The following XRN2 variants were observed in gnomAD, a reference collection of about 807,000 sequenced individuals.
XRN2 encodes 5'-3' exoribonuclease 2.
XRN2 carries 44 observed loss-of-function variants against 138.5 expected under a neutral mutation model. That is an observed-to-expected ratio of 0.32 (90% confidence interval 0.25 to 0.41). The LOEUF (loss-of-function observed/expected upper bound fraction) is 0.41, where lower values mean the gene tolerates loss of function less well. Among genes scored for constraint, XRN2 ranks in the 10% least tolerant of loss-of-function variants. XRN2 has a pLI of 1.00. For missense variants in XRN2, 937 were observed against 1,169.3 expected, an observed-to-expected ratio of 0.80 and a Z score of 2.90; for synonymous variants, 354 against 369.4, an observed-to-expected ratio of 0.96 and a Z score of 0.48.
chr20:21,316,293 T>A (rs1003056266), intron 1 of XRN2, among the ~76,000 whole-genome samples: 64 of 152,236 alleles, frequency 4.2e-4, no homozygotes, highest in African/African-American at 1.4e-3. Context: ...ATTTTGATGA[T>A]GAAGTGCAGT....
At chr20:21,321,932 A>G (rs1359401742) in intron 1 of XRN2, among the ~76,000 whole-genome samples, 1 of 152,226 alleles carries the variant, frequency 6.6e-6, no homozygotes, top group Non-Finnish European at 1.5e-5. Flanking sequence ...AGTACCTGAT[A>G]TAGACCTTGG....
At chr20:21,350,474 C>T (rs535359131) in intron 20 of XRN2, among the ~76,000 whole-genome samples, 7 of 118,240 alleles carry the variant, frequency 5.9e-5, no homozygotes, top group Admixed American at 1.3e-4. Context: ...TGCAGTGAGT[C>T]GAGATAGCAC....
intron 1 of XRN2, among the ~76,000 whole-genome samples, chr20:21,304,944 C>G (rs2037794823): frequency 6.6e-6 from 1 of 152,276 alleles, no homozygotes; most frequent in South Asian, 2.1e-4. Flanking sequence ...GGATAGTTGA[C>G]TATTGACACT....
At chr20:21,321,508 T>C (rs2038045137) in intron 1 of XRN2, among the ~76,000 whole-genome samples, 1 of 151,930 alleles carries the variant, frequency 6.6e-6, no homozygotes, top group African/African-American at 2.4e-5. Context: ...TTGATGGGGC[T>C]CCAGGACTCT....
chr20:21,381,995 T>C lies in XRN2; in HGVS notation c.2586T>C (p.Asn862=), dbSNP rs1474882107. The change falls in exon 28 of 30, where the codon AAT becomes AAC. Residue 862 remains asparagine, a splice_region_variant and synonymous_variant. Transcript: ENST00000377191. ...GQAQIPKLMS[N]MRPQDSWRGP... is the part of the protein sequence containing the mutation. ...AACCCTTTCCTGTTTCTTTTTCAGA[T>C]ATGAGGCCCCAGGATTCCTGGCGAG... is the stretch of plus-strand genomic sequence containing the variant. 4 of 1,608,862 alleles carry C rather than the reference T, an allele frequency of 2.5e-6. No homozygotes were observed. In the South Asian group the frequency reaches 4.4e-5, roughly 18 times the overall value.
intron 1 of XRN2, among the ~76,000 whole-genome samples, chr20:21,316,844 C>T (rs1426030469): frequency 6.6e-6 from 1 of 152,036 alleles, no homozygotes; most frequent in Non-Finnish European, 1.5e-5. Flanking sequence ...TTTCGTATTT[C>T]TTTGTTAGAT....
chr20:21,381,089 T>G (rs1343744179), intron 27 of XRN2, among the ~76,000 whole-genome samples: 1 of 152,092 alleles, frequency 6.6e-6, no homozygotes, highest in Non-Finnish European at 1.5e-5. Flanking sequence ...GAGATAAGCT[T>G]TCAACTCTTC....
chr20:21,318,398 T>C (rs1004746118), intron 1 of XRN2, among the ~76,000 whole-genome samples: 2 of 152,156 alleles, frequency 1.3e-5, no homozygotes, highest in Admixed American at 6.5e-5. Context: ...GATTTTTCTC[T>C]ATTTTTAAAT....
intron 1 of XRN2, among the ~76,000 whole-genome samples, chr20:21,324,458 T>C (rs2038093822): frequency 6.6e-6 from 1 of 152,098 alleles, no homozygotes; most frequent in Non-Finnish European, 1.5e-5. Context: ...GCTGTTTTAT[T>C]TATTCATAAC....
At chr20:21,314,926 G>A (rs1377514902) in intron 1 of XRN2, among the ~76,000 whole-genome samples, 6 of 152,178 alleles carry the variant, frequency 3.9e-5, no homozygotes, top group African/African-American at 1.2e-4. Context: ...GATTCATTCT[G>A]AATGGGTCCC....
chr20:21,374,700 G>T (rs2038799172), intron 27 of XRN2, among the ~76,000 whole-genome samples: 1 of 152,006 alleles, frequency 6.6e-6, no homozygotes, highest in Non-Finnish European at 1.5e-5. Flanking sequence ...CATTCTATGT[G>T]TCAGTGTATG....
intron 6 of XRN2, 36 bp downstream of exon 6, chr20:21,330,741 G>A (rs2038196681): frequency 1.3e-6 from 2 of 1,570,996 alleles, no homozygotes; most frequent in African/African-American, 1.4e-5. Flanking sequence ...GAAAGATTAG[G>A]GTGATCATTC....
chr20:21,362,800 T>C (rs2038652430), intron 24 of XRN2, among the ~76,000 whole-genome samples: 1 of 152,230 alleles, frequency 6.6e-6, no homozygotes, highest in Non-Finnish European at 1.5e-5. Flanking sequence ...GCATCTGTTG[T>C]ATGTATCAGA....
chr20:21,321,301 C>CTCTG (rs1309768482), intron 1 of XRN2, among the ~76,000 whole-genome samples: 2 of 121,426 alleles, frequency 1.6e-5, no homozygotes, highest in Non-Finnish European at 3.4e-5. Flanking sequence ...CTGTGCCTGG[C>CTCTG]TGTGTGTGTG....
rs774693960 is a variant in XRN2 at position 21,340,710 on chromosome 20, A to T, written c.1279-11A>T. The T allele has an allele frequency of 4.3e-6, 7 of 1,609,774 alleles. No individual in the cohort carries two copies. In the African/African-American group the frequency reaches 9.4e-5, roughly 22 times the overall value. On this transcript the variant is annotated splice_polypyrimidine_tract_variant and intron_variant, in intron 14 of 29. Coordinates refer to ENST00000377191, the MANE Select transcript of XRN2 (RefSeq NM_012255.5). ...TAATTTTAATTTCTACATTCATTCC[A>T]TTTATGTTAGAGAGATCAACCAGCT... is the stretch of plus-strand genomic sequence containing the variant.
intron 1 of XRN2, among the ~76,000 whole-genome samples, chr20:21,312,175 C>T (rs886965039): frequency 3.3e-5 from 5 of 151,970 alleles, no homozygotes; most frequent in East Asian, 2.0e-4. Flanking sequence ...TGCAGTGGCG[C>T]GATCTCAGCT....
intron 1 of XRN2, among the ~76,000 whole-genome samples, chr20:21,304,290 T>A (rs980998343): frequency 1.3e-5 from 2 of 152,146 alleles, no homozygotes. Flanking sequence ...ACATCACGCG[T>A]ACCTCACTCC....
At chr20:21,359,639 T>G (rs1480034924) in intron 24 of XRN2, among the ~76,000 whole-genome samples, 4 of 152,194 alleles carry the variant, frequency 2.6e-5, no homozygotes, top group Admixed American at 6.5e-5. Flanking sequence ...TGAAGATTTG[T>G]GGGAGACCAA....
chr20:21,388,739 A>C (rs1220548631), intron 29 of XRN2, among the ~76,000 whole-genome samples: 1 of 152,246 alleles, frequency 6.6e-6, no homozygotes. Flanking sequence ...AGGATATGTT[A>C]TAAAGGTCAC....
Sources: gnomAD v4.1 joint callset for allele counts (sites outside exome capture counted in the v4.1 genomes callset) on GRCh38, gnomAD v4.1.1 for gene constraint, MANE v1.5 for transcripts, NCBI Gene and HGNC (gene_info 2026-07-23, HGNC 2026-07-21) for gene names.